Variants in VPS8 observed in about 807,000 individuals in gnomAD.
VPS8 encodes the protein vacuolar protein sorting-associated protein 8 homolog.
Under a neutral mutation model 216.4 loss-of-function variants are expected in VPS8, and 129 were observed. That is an observed-to-expected ratio of 0.60 (90% CI 0.52 to 0.69). The LOEUF (loss-of-function observed/expected upper bound fraction) is 0.69, where lower values mean the gene tolerates loss of function less well. Among genes scored for constraint, VPS8 ranks in the 30% least tolerant of loss-of-function variants. VPS8 has a pLI of 0.00. For missense variants in VPS8, 1,531 were observed against 1,683.5 expected (o/e 0.91, Z 1.59); for synonymous variants, 571 against 565.4 (o/e 1.01, Z -0.14).
At chr3:184,814,881 A>G (rs1306842498) in intron 1 of VPS8, among the ~76,000 whole-genome samples, 3 of 152,252 alleles carry the variant, frequency 2.0e-5, no homozygotes, top group Non-Finnish European at 4.4e-5. Flanking sequence ...AATTTAAAAA[A>G]GTTTTTAACT....
At chr3:184,929,533 A>G (rs2109227003) in intron 32 of VPS8, 47 bp from the exon 33 acceptor site, 1 of 1,183,402 alleles carries the variant, frequency 8.5e-7, no homozygotes. Flanking sequence ...AAATGTCTCA[A>G]AAACCTCCCT....
chr3:184,842,177 A>T (rs1206036788), intron 7 of VPS8, among the ~76,000 whole-genome samples: 1 of 115,632 alleles, frequency 8.6e-6, no homozygotes, highest in Non-Finnish European at 1.7e-5. Context: ...ACAGAGCGAG[A>T]CTCCGTCTCA....
intron 46 of VPS8, among the ~76,000 whole-genome samples, chr3:185,030,091 A>T (rs1214101568): frequency 3.3e-5 from 5 of 152,194 alleles, no homozygotes; most frequent in African/African-American, 1.2e-4. Flanking sequence ...AAAAATCAGG[A>T]GTCATTGCCT....
At chr3:184,907,635 T>G (rs1159202561) in intron 25 of VPS8, among the ~76,000 whole-genome samples, 1 of 152,302 alleles carries the variant, frequency 6.6e-6, no homozygotes, top group South Asian at 2.1e-4. Context: ...GGGGTGAAAT[T>G]CTCTGGGCTT....
At chr3:184,920,332 T>C (rs1227776040) in intron 29 of VPS8, 134 bp downstream of exon 29, 2 of 596,260 alleles carry the variant, frequency 3.4e-6, no homozygotes, top group Non-Finnish European at 5.4e-6. Context: ...TTACGGTGTC[T>C]TTGTTCTCAA....
At chr3:184,965,985 C>T (rs1311793639) in intron 38 of VPS8, among the ~76,000 whole-genome samples, 1 of 152,134 alleles carries the variant, frequency 6.6e-6, no homozygotes, top group East Asian at 1.9e-4. Context: ...ACTCACAACC[C>T]AGTATATTAG....
At chr3:184,955,773 T>A (rs1268374330) in intron 36 of VPS8, among the ~76,000 whole-genome samples, 1 of 115,466 alleles carries the variant, frequency 8.7e-6, no homozygotes, top group African/African-American at 2.7e-5. Context: ...TACATCAGAT[T>A]ACTGAGCACT....
intron 46 of VPS8, among the ~76,000 whole-genome samples, chr3:185,037,047 ACTTAT>A (rs1453027849): frequency 6.7e-6 from 1 of 149,712 alleles, no homozygotes; most frequent in Non-Finnish European, 1.5e-5. Context: ...ATAATTTCTT[ACTTAT>A]CTTTTGCAGT....
In VPS8 at chr3:185,048,511, A is replaced by G; in HGVS notation, c.4089A>G (p.Gln1363=). The G allele has an allele frequency of 6.2e-7, 1 of 1,614,004 alleles. No homozygotes were observed. Among genetic ancestry groups the G allele is most frequent in the South Asian group, 1.1e-5 (1 of 91,084 alleles). ...GTSEPVLDPQ[Q]IQAFDQLCRL... The stretch of plus-strand genomic sequence containing the variant: ...CAGAACCTGTTCTGGATCCACAGCA[A>G]ATCCAAGCATTTGATCAGCTTTGCC... Residue 1363 remains glutamine, a synonymous_variant, in exon 47 of 48, where the codon CAA becomes CAG. Transcript: ENST00000625842.
At chr3:184,941,126 A>G (rs996670734) in intron 36 of VPS8, among the ~76,000 whole-genome samples, 2 of 149,564 alleles carry the variant, frequency 1.3e-5, no homozygotes, top group Admixed American at 6.7e-5. Flanking sequence ...GAAAACAACT[A>G]TTTACTTACG....
intron 36 of VPS8, among the ~76,000 whole-genome samples, chr3:184,947,677 T>G (rs1241950289): frequency 6.6e-6 from 1 of 152,222 alleles, no homozygotes; most frequent in Non-Finnish European, 1.5e-5. Context: ...TGTTTAATTC[T>G]GGAGCAGTCA....
At chr3:184,910,881 A>G (rs922300736) in intron 25 of VPS8, among the ~76,000 whole-genome samples, 1 of 151,840 alleles carries the variant, frequency 6.6e-6, no homozygotes, top group South Asian at 2.1e-4. Context: ...GTCCTCAGCA[A>G]CTCTTTGGTA....
intron 8 of VPS8, among the ~76,000 whole-genome samples, chr3:184,846,793 G>C (rs561370705): frequency 6.6e-6 from 1 of 152,198 alleles, no homozygotes; most frequent in Non-Finnish European, 1.5e-5. Flanking sequence ...GAATACTGTT[G>C]CCCAACCATC....
chr3:184,957,204 C>A (rs1745754199), intron 36 of VPS8, among the ~76,000 whole-genome samples, 170 bp from the exon 37 acceptor site: 1 of 152,286 alleles, frequency 6.6e-6, no homozygotes, highest in South Asian at 2.1e-4. Context: ...ATGTAATGTA[C>A]AGTTTGCTCA....
At chr3:184,989,877 C>T (rs1269579680) in intron 42 of VPS8, among the ~76,000 whole-genome samples, 4 of 151,968 alleles carry the variant, frequency 2.6e-5, no homozygotes, top group Admixed American at 2.6e-4. Context: ...TCGAGACCAT[C>T]CTGGCTAACA....
chr3:185,043,956 G>A (rs371151090), intron 46 of VPS8, among the ~76,000 whole-genome samples: 8 of 152,104 alleles, frequency 5.3e-5, no homozygotes, highest in South Asian at 2.1e-4. Context: ...TTGGAAGGCC[G>A]AGGCAGGCGG....
chr3:185,039,959 G>T (rs941523370), intron 46 of VPS8, among the ~76,000 whole-genome samples: 1 of 152,112 alleles, frequency 6.6e-6, no homozygotes, highest in African/African-American at 2.4e-5. Flanking sequence ...AAGAATTTCT[G>T]TTAGTCGTAG....
intron 4 of VPS8, among the ~76,000 whole-genome samples, chr3:184,833,852 CTG>C (rs1720510576): frequency 6.6e-6 from 1 of 152,176 alleles, no homozygotes; most frequent in African/African-American, 2.4e-5. Flanking sequence ...CAGAATTAAA[CTG>C]TTCTTCATTT....
rs998244580 is a variant in VPS8, at chr3:185,026,191, A to T, written c.4056+1802A>T. On this transcript the variant is annotated intron_variant, in intron 46 of 47. Transcript: ENST00000625842. ...ATTGAAGATATATGGGGGAAAAATG[A>T]TAAAAAAAATAATGATACAACAATA... Among the ~76,000 whole-genome samples the T allele has an allele frequency of 7.2e-5, 11 of 152,304 alleles. No individual in the cohort carries two copies. In the South Asian group the frequency reaches 2.3e-3, roughly 32 times the overall value.
Sources: gnomAD v4.1 joint callset for allele counts (sites outside exome capture counted in the v4.1 genomes callset) on GRCh38, gnomAD v4.1.1 for gene constraint, MANE v1.5 for transcripts, NCBI Gene and HGNC (gene_info 2026-07-23, HGNC 2026-07-21) for gene names.